Variants in PCDHGA7 observed in about 807,000 individuals in gnomAD.
PCDHGA7 encodes protocadherin gamma subfamily A, 7.
A neutral mutation model predicts 58.3 loss-of-function variants in PCDHGA7; 44 were observed. The observed-to-expected ratio is 0.75, with a 90% CI of 0.59 to 0.97. PCDHGA7 has a LOEUF of 0.97. Ranked by LOEUF, PCDHGA7 falls within the 50% of genes least tolerant of loss-of-function variation. The pLI is 0.00. For synonymous variants in PCDHGA7, 516 were observed against 504.2 expected (o/e 1.02, Z -0.31); for missense variants, 1,266 against 1,188.7 (o/e 1.06, Z -0.96).
At position 141,487,666 on chromosome 5, in the gene PCDHGA7, C is replaced by T. The variant is rs2099657736; in HGVS notation, c.2425-7141C>T. 1 of 1,612,838 alleles carries T rather than the reference C, an allele frequency of 6.2e-7. No homozygotes were observed. Among genetic ancestry groups the T allele is most frequent in the South Asian group, 1.1e-5 (1 of 90,712 alleles). Reference sequence around the variant, plus strand: ...TGCTTGAGGGTTATTCTGATCCAGGCATATGGCTAGGCCATGTCCTAGAGA... The same window carrying T: ...TGCTTGAGGGTTATTCTGATCCAGGTATATGGCTAGGCCATGTCCTAGAGA... On this transcript the variant is annotated intron_variant, in intron 1 of 3. Coordinates refer to ENST00000518325, the MANE Select transcript of PCDHGA7 (RefSeq NM_018920.4). This position sits in a 1 kb window ranked among gnomAD's most constrained non-coding sequence, Gnocchi z 5.0.
intron 1 of PCDHGA7, among the ~76,000 whole-genome samples, chr5:141,481,647 A>G (rs749515062): frequency 1.6e-4 from 25 of 151,712 alleles, no homozygotes; most frequent in Non-Finnish European, 2.8e-4. Flanking sequence ...GTGAAACTTC[A>G]TCTCTACTAA....
At chr5:141,414,930 C>A (rs561548499) in intron 1 of PCDHGA7, 1 of 1,614,156 alleles carries the variant, frequency 6.2e-7, no homozygotes, top group South Asian at 1.1e-5. Flanking sequence ...CGCCCCGCTC[C>A]GCAGAGCCCG....
chr5:141,422,898 C>T (rs2096684110), intron 1 of PCDHGA7: 2 of 1,614,250 alleles, frequency 1.2e-6, no homozygotes, highest in Middle Eastern at 1.6e-4. Flanking sequence ...TGGACCAGAA[C>T]GACAATGCGC....
intron 3 of PCDHGA7, among the ~76,000 whole-genome samples, chr5:141,506,948 G>A (rs949082646): frequency 6.6e-6 from 1 of 152,162 alleles, no homozygotes; most frequent in Non-Finnish European, 1.5e-5. Flanking sequence ...TCCTGTCAAT[G>A]AATCCTCTCA....
intron 2 of PCDHGA7, among the ~76,000 whole-genome samples, chr5:141,501,290 TACACACACACACACACACACAC>T (rs55762287): frequency 1.4e-4 from 19 of 136,248 alleles, no homozygotes; most frequent in Admixed American, 1.1e-3. Context: ...TATTCCCTTA[TACACACACACACACACACACAC>T]ACACACACAC....
intron 1 of PCDHGA7, chr5:141,394,095 G>C (rs1222166545): frequency 1.9e-6 from 3 of 1,613,848 alleles, no homozygotes; most frequent in Non-Finnish European, 2.5e-6. Flanking sequence ...CTCAGATCTA[G>C]GAACACCACC....
Position 141,384,225 on chromosome 5 carries a change from G to A in PCDHGA7, c.1326G>A (p.Val442=), listed in dbSNP as rs757132379. ...LSRETHIFMQ[V]ADTNDNPPTF... is the part of the protein sequence containing the mutation. ...GGGAAACTCACATATTCATGCAGGTGGCAGACACCAACGATAACCCACCCA... is the reference window on the plus strand; with the variant it reads ...GGGAAACTCACATATTCATGCAGGTAGCAGACACCAACGATAACCCACCCA... Residue 442 remains valine, a synonymous_variant, in exon 1 of 4, where the codon GTG becomes GTA. Coordinates refer to ENST00000518325, the MANE Select transcript of PCDHGA7 (RefSeq NM_018920.4). 1 of 1,613,856 alleles carries A rather than the reference G, an allele frequency of 6.2e-7. No individual in the cohort carries two copies. The highest frequency in any genetic ancestry group is 8.5e-7 in the Non-Finnish European group (1 of 1,179,884).
At chr5:141,397,279 G>A (rs1208403541) in intron 1 of PCDHGA7, among the ~76,000 whole-genome samples, 1 of 152,168 alleles carries the variant, frequency 6.6e-6, no homozygotes, top group East Asian at 1.9e-4. Context: ...CATATGGGCA[G>A]TATACTTGAA....
chr5:141,398,566 C>T, intron 1 of PCDHGA7: 1 of 1,613,980 alleles, frequency 6.2e-7, no homozygotes, highest in Non-Finnish European at 8.5e-7. Flanking sequence ...TGAGTCTGCA[C>T]AGCCTGGCAC....
At chr5:141,462,540 T>G (rs2099042148) in intron 1 of PCDHGA7, among the ~76,000 whole-genome samples, 2 of 152,204 alleles carry the variant, frequency 1.3e-5, no homozygotes, top group Non-Finnish European at 2.9e-5. Flanking sequence ...TCAGTGATCT[T>G]TTCTTCTTCA....
rs138031063 is a variant in PCDHGA7 at position 141,447,985 on chromosome 5, C to T, written c.2425-46822C>T. Among the ~76,000 whole-genome samples the T allele has an allele frequency of 3.9e-3, 591 of 152,010 alleles. 6 individuals are homozygous for T. The highest frequency in any genetic ancestry group is 0.011 in the Admixed American group (170 of 15,260). On this transcript the variant is annotated intron_variant, in intron 1 of 3. Transcript: ENST00000518325. ...CCTATAATCCCAGCTACTCGGGAGG[C>T]TGAGGCATGAGAATCGCTTGAACCC...
rs185704620 is a variant in PCDHGA7, at chr5:141,396,920, C to T, written c.2424+11597C>T. Among the ~76,000 whole-genome samples the T allele has an allele frequency of 3.3e-5, 5 of 152,316 alleles. No individual in the cohort carries two copies. In the East Asian group the frequency reaches 7.7e-4, roughly 23 times the overall value. ...TATTGGCACTTTGCAATTTTAAAAACTCGGATGAAAGTTGCCCTGGTAGGA... is the reference window on the plus strand; with the variant it reads ...TATTGGCACTTTGCAATTTTAAAAATTCGGATGAAAGTTGCCCTGGTAGGA... On this transcript the variant is annotated intron_variant, in intron 1 of 3. Transcript: ENST00000518325.
At chr5:141,409,920 C>T (rs759433257) in intron 1 of PCDHGA7, 2 of 1,613,400 alleles carry the variant, frequency 1.2e-6, no homozygotes, top group Non-Finnish European at 1.7e-6. Flanking sequence ...GACGGCTCCG[C>T]GTTCTTCGAT....
At chr5:141,422,745 C>G (rs1380262961) in intron 1 of PCDHGA7, 15 of 1,610,564 alleles carry the variant, frequency 9.3e-6, no homozygotes, top group Non-Finnish European at 1.3e-5. Flanking sequence ...CCTCCTATGT[C>G]TCTATTAACT....
chr5:141,395,748 GA>G (rs1300341557), intron 1 of PCDHGA7: 2 of 152,878 alleles, frequency 1.3e-5, no homozygotes, highest in African/African-American at 4.8e-5. Flanking sequence ...CCTCTTTTCT[GA>G]GCCCTGTTTC....
chr5:141,462,471 C>T (rs1464947091), intron 1 of PCDHGA7, among the ~76,000 whole-genome samples: 1 of 152,020 alleles, frequency 6.6e-6, no homozygotes, highest in East Asian at 1.9e-4. Context: ...GTGTATTCTG[C>T]TTCTCGTGGT....
In PCDHGA7 at chr5:141,413,327, A is replaced by T. The variant is rs200027912; in HGVS notation, c.2424+28004A>T. ...TTAGAGAAAGGCTCTTTCGTGGGCA[A>T]CATCTCCAAGGACTTGGGTCTGGCG... On this transcript the variant is annotated intron_variant, in intron 1 of 3. Transcript: ENST00000518325. The T allele has an allele frequency of 2.6e-4, 421 of 1,613,984 alleles. 1 individual carries two copies. The highest frequency in any genetic ancestry group is 1.1e-3 in the South Asian group (96 of 91,090).
Position 141,512,703 on chromosome 5 carries a change from T to C in PCDHGA7, c.*1530T>C. ...TAGCCAGTAGTGTAGTGCGGTGTGC[T>C]TTTACGTGATGGCGGGTGGGCAGCG... On this transcript the variant is annotated 3_prime_UTR_variant, in exon 4 of 4. Coordinates refer to ENST00000518325, the MANE Select transcript of PCDHGA7 (RefSeq NM_018920.4). 1 of 152,958 alleles carries C rather than the reference T, an allele frequency of 6.5e-6. No individual in the cohort carries two copies. Among genetic ancestry groups the C allele is most frequent in the East Asian group, 1.9e-4 (1 of 5,212 alleles). 9.5% of individuals were successfully genotyped at this position (152,958 alleles called of 1,614,324 possible).
rs141295392 is a variant in PCDHGA7 at position 141,393,658 on chromosome 5, G to A, written c.2424+8335G>A. 3.0e-5 allele frequency: 49 copies of A among 1,613,798 alleles called. No homozygotes were observed. The Middle Eastern group carries it at 6.6e-4, about 22-fold the overall frequency. ...AACGGAAAAGTGGCATACAAATTCC[G>A]GAAAATTAATGAAAAACAAACTCCG... On this transcript the variant is annotated intron_variant, in intron 1 of 3. Transcript: ENST00000518325.
Sources: allele counts gnomAD v4.1 joint callset (sites outside exome capture counted in the v4.1 genomes callset), GRCh38; gene constraint gnomAD v4.1.1; non-coding constraint Gnocchi (gnomAD v3.1); transcripts MANE v1.5; gene names NCBI Gene and HGNC (gene_info 2026-07-23, HGNC 2026-07-21).